MALT1: variants seen among roughly 807,000 people sequenced by gnomAD.
MALT1 encodes the protein MALT1 paracaspase, also known as mucosa-associated lymphoid tissue lymphoma translocation protein 1.
Under a neutral mutation model 85.5 loss-of-function variants are expected in MALT1, and 36 were observed. The observed-to-expected ratio is 0.42, with a 90% CI of 0.32 to 0.56. MALT1 has a LOEUF of 0.56. MALT1 is among the 20% of genes least tolerant of loss of function. The pLI is 0.10. For missense variants in MALT1, 716 were observed against 981.6 expected, an observed-to-expected ratio of 0.73 and a Z score of 3.62; for synonymous variants, 359 against 361.3, an observed-to-expected ratio of 0.99 and a Z score of 0.07.
intron 2 of MALT1, among the ~76,000 whole-genome samples, chr18:58,683,447 A>G (rs1200890196): frequency 6.6e-6 from 1 of 152,194 alleles, no homozygotes; most frequent in African/African-American, 2.4e-5. Flanking sequence ...TCATCTATAC[A>G]ATGACAGGGG....
chr18:58,743,307 C>T (rs4372780), intron 14 of MALT1, among the ~76,000 whole-genome samples: 9,311 of 152,114 alleles, frequency 0.061, 415 homozygotes, highest in East Asian at 0.22. Context: ...ACCTGGGAGT[C>T]GGAGTTTGCA....
chr18:58,734,340 T>C lies in MALT1; in HGVS notation c.1434T>C (p.Asp478=), dbSNP rs1436135912. 3 of 1,613,852 alleles carry C rather than the reference T, an allele frequency of 1.9e-6. No homozygotes were observed. Among genetic ancestry groups the C allele is most frequent in the Non-Finnish European group, 2.5e-6 (3 of 1,179,696 alleles). The change falls in exon 12 of 17, where the codon GAT becomes GAC. Residue 478 remains aspartate (D), a synonymous_variant. Coordinates refer to ENST00000649217, the MANE Select transcript of MALT1 (RefSeq NM_006785.4). ...ACGATGATACCATTCCAATCTTGGATGCACTAAAAGTCACCGCCAATATTG... is the reference window on the plus strand; with the variant it reads ...ACGATGATACCATTCCAATCTTGGACGCACTAAAAGTCACCGCCAATATTG... ...NDYDDTIPIL[D]ALKVTANIVF...
chr18:58,726,566 A>G lies in MALT1; in HGVS notation c.1222+3315A>G, dbSNP rs566573414. 1.1e-4 allele frequency among the ~76,000 whole-genome samples: 17 copies of G among 152,364 alleles called. No homozygotes were observed. In the East Asian group the frequency reaches 3.3e-3, roughly 29 times the overall value. ...TATTATATTGCACGCAGGTTTGTAGAAGAAATAAAAGTTGCAACAGAACAG... is the reference window on the plus strand; with the variant it reads ...TATTATATTGCACGCAGGTTTGTAGGAGAAATAAAAGTTGCAACAGAACAG... On this transcript the variant is annotated intron_variant, in intron 10 of 16. Transcript: ENST00000649217.
intron 4 of MALT1, among the ~76,000 whole-genome samples, chr18:58,701,039 C>T (rs1393577232): frequency 6.6e-6 from 1 of 152,180 alleles, no homozygotes; most frequent in Non-Finnish European, 1.5e-5. Context: ...GTGACCCACC[C>T]GCCTCAGCCT....
rs72960723 is a variant in MALT1 at position 58,700,255 on chromosome 18, G to T, written c.499-186G>T. Among the ~76,000 whole-genome samples, 504 of 152,324 alleles carry T rather than the reference G, an allele frequency of 3.3e-3. 2 individuals carry two copies. The highest frequency in any genetic ancestry group is 4.9e-3 in the Non-Finnish European group (331 of 68,024). ...TGGTTTATGGATTTGTAAAAGACTG[G>T]ATTTTTAATACTTCAGTCCTAAATA... is the stretch of plus-strand genomic sequence containing the variant. On this transcript the variant is annotated intron_variant, in intron 3 of 16. Transcript: ENST00000649217.
chr18:58,726,616 G>T (rs2055058420), intron 10 of MALT1, among the ~76,000 whole-genome samples: 1 of 152,152 alleles, frequency 6.6e-6, no homozygotes, highest in African/African-American at 2.4e-5. Flanking sequence ...TTAAACATAT[G>T]TAAACATAAA....
rs547700438 is a variant in MALT1, at chr18:58,751,649, C to T, written c.*3807C>T. Reference sequence around the variant, plus strand: ...CTTTGTAATATTAAAGTAGGATTTACACAAGTGGAATTTAGAAAAGATGAT... The same window carrying T: ...CTTTGTAATATTAAAGTAGGATTTATACAAGTGGAATTTAGAAAAGATGAT... On this transcript the variant is annotated 3_prime_UTR_variant, in exon 17 of 17. Transcript: ENST00000649217. 1 of 152,030 alleles carries T rather than the reference C, an allele frequency of 6.6e-6. No individual in the cohort carries two copies. The highest frequency in any genetic ancestry group is 2.4e-5 in the African/African-American group (1 of 41,370). 9.4% of individuals were successfully genotyped at this position (152,030 alleles called of 1,614,324 possible). A position where few individuals can be genotyped will look rare whatever the true frequency, so the allele number is the denominator to read the frequency against.
chr18:58,723,028 CCTTT>C lies in MALT1; in HGVS notation c.1019-15_1019-12del, dbSNP rs766721286. The C allele has an allele frequency of 1.3e-5, 20 of 1,584,704 alleles. No individual in the cohort carries two copies. In the South Asian group the frequency reaches 1.9e-4, roughly 15 times the overall value. On this transcript the variant is annotated splice_polypyrimidine_tract_variant and intron_variant, in intron 9 of 16. Coordinates refer to ENST00000649217, the MANE Select transcript of MALT1 (RefSeq NM_006785.4). ...ATCTTTATATCTTCTTTAAACACCCCCTTTCTTTTTTTTTCAAAGCGAAGGACAA... is the reference window on the plus strand; with the variant it reads ...ATCTTTATATCTTCTTTAAACACCCCCTTTTTTTTTCAAAGCGAAGGACAA...
rs535609893 is a variant in MALT1, at chr18:58,705,537, A to G, written c.650-3841A>G. Among the ~76,000 whole-genome samples the G allele has an allele frequency of 2.6e-4, 34 of 130,884 alleles. No homozygotes were observed. In the East Asian group the frequency reaches 7.3e-3, roughly 28 times the overall value. 85.9% of individuals were successfully genotyped at this position (130,884 alleles called of 152,430 possible). Reference sequence around the variant, plus strand: ...CCCCTTCCTGTGTCCATGTGATCTCATTGTTCAATTCCCACCTATGAGTGA... The same window carrying G: ...CCCCTTCCTGTGTCCATGTGATCTCGTTGTTCAATTCCCACCTATGAGTGA... On this transcript the variant is annotated intron_variant, in intron 4 of 16. Transcript: ENST00000649217.
In MALT1 at chr18:58,751,888, AAAACACT is replaced by A. The variant is rs1375382131; in HGVS notation, c.*4048_*4054del. The A allele has an allele frequency of 2.0e-5, 3 of 152,256 alleles. No individual in the cohort carries two copies. The highest frequency in any genetic ancestry group is 7.2e-5 in the African/African-American group (3 of 41,460). The allele number at this position is 152,256 out of a possible 1,614,324, so 9.4% of individuals were successfully genotyped here. A position where few individuals can be genotyped will look rare whatever the true frequency, so the allele number is the denominator to read the frequency against. On this transcript the variant is annotated 3_prime_UTR_variant, in exon 17 of 17. Transcript: ENST00000649217. ...TCAACTCATGGGACAATTTGAATTT[AAAACACT>A]ATTGTTCCTCATTCAGTGATGAACA...
At chr18:58,704,787 G>A (rs9946837) in intron 4 of MALT1, among the ~76,000 whole-genome samples, 113,474 of 151,894 alleles carry the variant, frequency 0.75, 42,466 homozygotes, top group East Asian at 0.82. Flanking sequence ...TATAGTATAT[G>A]TTTTTCATTC....
chr18:58,734,468 CTG>C, intron 12 of MALT1, 87 bp downstream of exon 12: 2 of 1,017,386 alleles, frequency 2.0e-6, no homozygotes, highest in Non-Finnish European at 3.1e-6. Flanking sequence ...GGTCTTAACT[CTG>C]TCACCCAGGC....
chr18:58,682,885 G>T (rs1277229150), intron 2 of MALT1, among the ~76,000 whole-genome samples: 1 of 152,154 alleles, frequency 6.6e-6, no homozygotes, highest in Non-Finnish European at 1.5e-5. Flanking sequence ...AATGCCCTAT[G>T]AATTTGATAC....
chr18:58,691,172 C>T, intron 2 of MALT1: 1 of 263,616 alleles, frequency 3.8e-6, no homozygotes, highest in South Asian at 3.4e-5. Context: ...GCCTTCTGTC[C>T]CCTCTCCCCA....
At chr18:58,687,688 A>G (rs1282999874) in intron 2 of MALT1, among the ~76,000 whole-genome samples, 4 of 152,254 alleles carry the variant, frequency 2.6e-5, no homozygotes, top group Non-Finnish European at 5.9e-5. Context: ...TGGAAAAAGT[A>G]TTTATTGATA....
Position 58,723,076 on chromosome 18 carries a change from A to C in MALT1, c.1047A>C (p.Gly349=). 6.2e-7 allele frequency: 1 copy of C among 1,613,750 alleles called. No homozygotes were observed. The highest frequency in any genetic ancestry group is 8.5e-7 in the Non-Finnish European group (1 of 1,179,880). ...AGGACAAGGTTGCCCTTTTGATAGG[A>C]AATATGAATTACCGGGAGCACCCCA... ...LAKDKVALLI[G]NMNYREHPKL... The change falls in exon 10 of 17, where the codon GGA becomes GGC. Residue 349 remains glycine (G), a synonymous_variant. Transcript: ENST00000649217.
Position 58,681,208 on chromosome 18 carries a change from A to T in MALT1, c.248A>T (p.Glu83Val). The change falls in exon 2 of 17, where the codon GAG becomes GTG. Residue 83 changes from glutamate to valine, a missense_variant. Coordinates refer to ENST00000649217, the MANE Select transcript of MALT1 (RefSeq NM_006785.4). ...GAGCAGTGTTCTCTTAAGGTACTGG[A>T]GCCTGAAGGAAGCCCCAGCCTGTGT... ...DLEQCSLKVL[E>V]PEGSPSLCLL... 6.2e-7 allele frequency: 1 copy of T among 1,614,136 alleles called. No homozygotes were observed. Among genetic ancestry groups the T allele is most frequent in the Non-Finnish European group, 8.5e-7 (1 of 1,180,012 alleles).
chr18:58,683,020 A>C (rs1259342687), intron 2 of MALT1, among the ~76,000 whole-genome samples: 1 of 152,202 alleles, frequency 6.6e-6, no homozygotes, highest in African/African-American at 2.4e-5. Context: ...CCAAACAGTA[A>C]ACTTTCTTTT....
At chr18:58,734,415 T>A in intron 12 of MALT1, 34 bp downstream of exon 12, 1 of 1,555,342 alleles carries the variant, frequency 6.4e-7, no homozygotes, top group Non-Finnish European at 8.9e-7. Context: ...TGAAGTTTCC[T>A]TTATTGTTTG....
Sources: gnomAD v4.1 joint callset for allele counts (sites outside exome capture counted in the v4.1 genomes callset) on GRCh38, gnomAD v4.1.1 for gene constraint, MANE v1.5 for transcripts, NCBI Gene and HGNC (gene_info 2026-07-23, HGNC 2026-07-21) for gene names.